The following HMCN2 variants were observed in gnomAD, a reference collection of about 807,000 sequenced individuals.
HMCN2 encodes hemicentin 2.
A neutral mutation model predicts 377.5 loss-of-function variants in HMCN2; 325 were observed. The ratio of observed to expected loss-of-function variants is 0.86; its 90% CI spans 0.79 to 0.94. The LOEUF is 0.94. Ranked by LOEUF, HMCN2 falls within the 40% of genes least tolerant of loss-of-function variation. The probability of loss-of-function intolerance (pLI) is 0.00; values close to 1 mark genes in which losing one functional copy is unlikely to be tolerated. For missense variants in HMCN2, 4,543 were observed against 4,725.3 expected (o/e 0.96, Z 1.13); for synonymous variants, 2,007 against 2,046.8 (o/e 0.98, Z 0.53).
chr9:130,428,416 C>T lies in HMCN2; in HGVS notation c.14124C>T (p.Asn4708=), dbSNP rs1844521857. The part of the protein sequence containing the change: ...HLCREGQRCV[N]LLGSYRCLPD... ...GCCGAGAGGGACAGCGCTGTGTGAA[C>T]CTGCTCGGGTCCTACCGCTGCCTCC... The change falls in exon 93 of 98, where the codon AAC becomes AAT. Residue 4708 remains asparagine, a synonymous_variant. Transcript: ENST00000683500. This position sits in a 1 kb window ranked among gnomAD's most constrained non-coding sequence, Gnocchi z 5.0. The T allele has an allele frequency of 1.3e-6, 2 of 1,547,414 alleles. No individual in the cohort carries two copies. The highest frequency in any genetic ancestry group is 2.0e-5 in the Admixed American group (1 of 50,988).
intron 81 of HMCN2, among the ~76,000 whole-genome samples, 162 bp downstream of exon 81, chr9:130,405,221 T>C (rs1041985545): frequency 2.0e-5 from 3 of 152,184 alleles, no homozygotes; most frequent in African/African-American, 7.2e-5. Context: ...AAAGTGTACC[T>C]AGTTGTCCAC....
chr9:130,358,440 C>T lies in HMCN2; in HGVS notation c.5631C>T (p.Thr1877=). 1 of 1,304,364 alleles carries T rather than the reference C, an allele frequency of 7.7e-7. No homozygotes were observed. Among genetic ancestry groups the T allele is most frequent in the Non-Finnish European group, 1.0e-6 (1 of 988,952 alleles). The allele number at this position is 1,304,364 out of a possible 1,614,324, so 80.8% of individuals were successfully genotyped here. A position where few individuals can be genotyped will look rare whatever the true frequency, so the allele number is the denominator to read the frequency against. Residue 1877 remains threonine, a synonymous_variant, in exon 36 of 98, where the codon ACC becomes ACT. Coordinates refer to ENST00000683500, the MANE Select transcript of HMCN2 (RefSeq NM_001291815.2). The stretch of plus-strand genomic sequence containing the variant: ...AGGGCATCTACACTTGTGCTGCTAC[C>T]AACCTGGCTGGGGAGAGCAAGAGGG... ...RDEGIYTCAA[T]NLAGESKREV...
chr9:130,408,793 G>T lies in HMCN2; in HGVS notation c.12739G>T (p.Gly4247Ter). The change falls in exon 84 of 98, where the codon GGA becomes TGA. Residue 4247 changes from glycine (G) to a stop codon, truncating the protein, a stop_gained. Transcript: ENST00000683500. LOFTEE classifies it high-confidence loss of function. ...TTTCTCCTACCTGGTGGAACCTGTA[G>T]GAGGCAGCATTCAGCTAGACTGTGT... The part of the protein sequence containing the change: ...EAFSYLVEPV[G>*]GSIQLDCVVR... 7.8e-7 allele frequency: 1 copy of T among 1,289,732 alleles called. No individual in the cohort carries two copies. The highest frequency in any genetic ancestry group is 1.0e-6 in the Non-Finnish European group (1 of 988,816). 79.9% of individuals were successfully genotyped at this position (1,289,732 alleles called of 1,614,324 possible).
chr9:130,328,670 G>A (rs929210054), intron 22 of HMCN2, among the ~76,000 whole-genome samples: 1 of 152,166 alleles, frequency 6.6e-6, no homozygotes, highest in Non-Finnish European at 1.5e-5. Context: ...GTGGGGTTAA[G>A]TGCTCAGGCC....
At chr9:130,411,729 T>A (rs1169785396) in intron 85 of HMCN2, among the ~76,000 whole-genome samples, 1 of 152,014 alleles carries the variant, frequency 6.6e-6, no homozygotes, top group Non-Finnish European at 1.5e-5. Flanking sequence ...ACTGTATGAT[T>A]CTGTTTATAT....
At chr9:130,425,174 G>A in intron 89 of HMCN2, 44 bp downstream of exon 89, 1 of 1,493,160 alleles carries the variant, frequency 6.7e-7, no homozygotes, top group Non-Finnish European at 9.0e-7. Flanking sequence ...GTAGGTGAGA[G>A]AGACGAAGGT....
chr9:130,384,558 C>T, intron 58 of HMCN2, 24 bp downstream of exon 58: 1 of 1,304,198 alleles, frequency 7.7e-7, no homozygotes. Context: ...GGTGTCCGGC[C>T]CAGCTCTAAG....
intron 32 of HMCN2, among the ~76,000 whole-genome samples, chr9:130,355,504 G>A (rs776428264): frequency 6.6e-6 from 1 of 152,244 alleles, no homozygotes; most frequent in Non-Finnish European, 1.5e-5. Context: ...CCGGACTCCT[G>A]AGCCCTCAGT....
At chr9:130,348,332 G>A in intron 26 of HMCN2, 1 of 597,066 alleles carries the variant, frequency 1.7e-6, no homozygotes, top group South Asian at 7.4e-5. Flanking sequence ...GGTGACACCT[G>A]GGCCTGGGCA....
At position 130,428,225 on chromosome 9, in the gene HMCN2, G is replaced by C. The variant is rs1844506626; in HGVS notation, c.14066-133G>C. On this transcript the variant is annotated intron_variant, in intron 92 of 97. Coordinates refer to ENST00000683500, the MANE Select transcript of HMCN2 (RefSeq NM_001291815.2). The surrounding 1 kb of genome is among the most constrained non-coding windows in gnomAD (Gnocchi z 5.0). ...AGACAATGGAAAGAGCTAGCAGAAG[G>C]GGTGGGGACCTTCCTGCCAGTGGCT... The C allele has an allele frequency of 1.9e-6, 2 of 1,027,252 alleles. No homozygotes were observed. Among genetic ancestry groups the C allele is most frequent in the Non-Finnish European group, 2.7e-6 (2 of 738,320 alleles). The allele number at this position is 1,027,252 out of a possible 1,614,324, so 63.6% of individuals were successfully genotyped here. A position where few individuals can be genotyped will look rare whatever the true frequency, so the allele number is the denominator to read the frequency against.
Position 130,304,919 on chromosome 9 carries a change from TC to T in HMCN2, c.1737del (p.Thr580GlnfsTer46), listed in dbSNP as rs1564767518. Reference sequence around the variant, plus strand: ...CTGTCCCTGGAGATCAGTGGCATCATCCCCACAGACGGCGGGAGGTACCAGT... The same window carrying T: ...CTGTCCCTGGAGATCAGTGGCATCATCCCACAGACGGCGGGAGGTACCAGT... ...ADLSLEISGIIPTDGGRYQCV... is the reference protein window; with the variant it reads ...ADLSLEISGIXPTDGGRYQCV... On this transcript the variant is annotated frameshift_variant, in exon 11 of 98. Transcript: ENST00000683500. LOFTEE classifies it high-confidence loss of function. The surrounding 1 kb of genome is among the most constrained non-coding windows in gnomAD (Gnocchi z 4.3). 1 of 471,062 alleles carries T rather than the reference TC, an allele frequency of 2.1e-6. No individual in the cohort carries two copies. The highest frequency in any genetic ancestry group is 2.3e-5 in the Admixed American group (1 of 42,592). The allele number at this position is 471,062 out of a possible 1,614,324, so 29.2% of individuals were successfully genotyped here.
chr9:130,312,065 A>T (rs1837273904), intron 15 of HMCN2, among the ~76,000 whole-genome samples: 1 of 152,146 alleles, frequency 6.6e-6, no homozygotes. Context: ...ACCCTTGGAG[A>T]TGGAACGATC....
Position 130,299,027 on chromosome 9 carries a change from G to T in HMCN2, c.1015G>T (p.Val339Phe), listed in dbSNP as rs1564760670. 1 of 469,410 alleles carries T rather than the reference G, an allele frequency of 2.1e-6. No homozygotes were observed. The highest frequency in any genetic ancestry group is 2.4e-5 in the Admixed American group (1 of 42,488). The allele number at this position is 469,410 out of a possible 1,614,324, so 29.1% of individuals were successfully genotyped here. A position where few individuals can be genotyped will look rare whatever the true frequency, so the allele number is the denominator to read the frequency against. Reference protein sequence around the residue: ...NHTLEWPLQGVPISLVINSTG... With the variant: ...NHTLEWPLQGFPISLVINSTG... ...TGTTCTTCACCTTCCCTCTGCAGGA[G>T]TCCCCATCTCCCTGGTGATCAATTC... Residue 339 changes from valine (V) to phenylalanine (F), a missense_variant and splice_region_variant, in exon 8 of 98, where the codon GTC (valine) becomes TTC (phenylalanine). Transcript: ENST00000683500.
chr9:130,335,302 T>G (rs1003280391), intron 22 of HMCN2, among the ~76,000 whole-genome samples: 1 of 152,092 alleles, frequency 6.6e-6, no homozygotes, highest in East Asian at 1.9e-4. Flanking sequence ...ATTTGGCCGT[T>G]GATTGGTGGG....
At chr9:130,409,616 A>G (rs1288857325) in intron 84 of HMCN2, among the ~76,000 whole-genome samples, 1 of 152,208 alleles carries the variant, frequency 6.6e-6, no homozygotes, top group Non-Finnish European at 1.5e-5. Context: ...TTACCCAAGT[A>G]CTAACTGTGG....
rs782408012 is a variant in HMCN2 at position 130,299,242 on chromosome 9, C to A, written c.1230C>A (p.Asn410Lys). ...TGAAGGGCAAGGACCATGAGGGAAA[C>A]CCCCTCCTTCGTGTCTCTGGAGTGT... Reference protein sequence around the residue: ...LKVKGKDHEGNPLLRVSGVSY... With the variant: ...LKVKGKDHEGKPLLRVSGVSY... The change falls in exon 8 of 98, where the codon AAC becomes AAA. Residue 410 changes from asparagine (N) to lysine (K), a missense_variant. Asn to Lys is a moderately conservative substitution (Grantham distance 94, BLOSUM62 0). Transcript: ENST00000683500. 1.7e-5 allele frequency: 8 copies of A among 470,762 alleles called. No individual in the cohort carries two copies. Among genetic ancestry groups the A allele is most frequent in the Admixed American group, 7.1e-5 (3 of 42,536 alleles). The allele number at this position is 470,762 out of a possible 1,614,324, so 29.2% of individuals were successfully genotyped here.
intron 97 of HMCN2, 68 bp from the exon 98 acceptor site, chr9:130,433,280 T>C: frequency 7.8e-7 from 1 of 1,275,500 alleles, no homozygotes; most frequent in Non-Finnish European, 1.0e-6. Context: ...AGGTCTGAGT[T>C]ACGCGGATGG....
Position 130,425,821 on chromosome 9 carries a change from C to A in HMCN2, c.13776C>A (p.Pro4592=), listed in dbSNP as rs1260455464. 1.3e-6 allele frequency: 2 copies of A among 1,550,544 alleles called. No homozygotes were observed. The highest frequency in any genetic ancestry group is 2.4e-5 in the East Asian group (1 of 40,888). Residue 4592 remains proline, a synonymous_variant, in exon 90 of 98, where the codon CCC becomes CCA. Coordinates refer to ENST00000683500, the MANE Select transcript of HMCN2 (RefSeq NM_001291815.2). ...TCCAGTACAACGCGGCCCGGGGCCC[C>A]CAGCCCCAGCTGGTGCAGCACCTGC... ...HSIQYNAARG[P]QPQLVQHLRA...
intron 82 of HMCN2, 152 bp downstream of exon 82, chr9:130,406,320 G>C: frequency 1.8e-6 from 1 of 555,942 alleles, no homozygotes; most frequent in Admixed American, 2.7e-5. Context: ...CCTATGTAGG[G>C]GGACAGGGCA....
Sources: gnomAD v4.1 joint callset for allele counts (sites outside exome capture counted in the v4.1 genomes callset) on GRCh38, gnomAD v4.1.1 for gene constraint, Gnocchi (gnomAD v3.1) non-coding constraint, MANE v1.5 for transcripts, NCBI Gene and HGNC (gene_info 2026-07-23, HGNC 2026-07-21) for gene names.